Variants in AKAP10 observed in about 807,000 individuals in gnomAD.
The protein encoded by AKAP10 is A-kinase anchoring protein 10.
A neutral mutation model predicts 80.8 loss-of-function variants in AKAP10; 24 were observed. The ratio of observed to expected loss-of-function variants is 0.30; its 90% CI spans 0.22 to 0.42. The LOEUF (loss-of-function observed/expected upper bound fraction) is 0.42, where lower values mean the gene tolerates loss of function less well. AKAP10 is among the 10% of genes least tolerant of loss of function. AKAP10 has a pLI of 1.00. For synonymous variants in AKAP10, 291 were observed against 277.7 expected (o/e 1.05, Z -0.48); for missense variants, 661 against 794.9 (o/e 0.83, Z 2.03).
intron 12 of AKAP10, among the ~76,000 whole-genome samples, chr17:19,914,979 A>G (rs2042729729): frequency 6.6e-6 from 1 of 152,254 alleles, no homozygotes; most frequent in East Asian, 1.9e-4. Context: ...TCCAAATGCA[A>G]CAGAAAGCCA....
At chr17:19,969,095 G>T (rs1236147375) in intron 1 of AKAP10, among the ~76,000 whole-genome samples, 1 of 152,176 alleles carries the variant, frequency 6.6e-6, no homozygotes, top group Non-Finnish European at 1.5e-5. Context: ...TGTAATTCCA[G>T]CACTTTGGGA....
In AKAP10 at chr17:19,932,401, C is replaced by T. The variant is rs8070599; in HGVS notation, c.1468-423G>A. The stretch of plus-strand genomic sequence containing the variant: ...CTGGGAGATGGAGGTTGCAGTGAGC[C>T]GAGATTGCACCACTGCACTCCAGCC... On this transcript the variant is annotated intron_variant, in intron 9 of 14. Coordinates refer to ENST00000225737, the MANE Select transcript of AKAP10 (RefSeq NM_007202.4). Among the ~76,000 whole-genome samples the T allele has an allele frequency of 7.2e-3, 1,059 of 146,624 alleles. 13 individuals carry two copies. The highest frequency in any genetic ancestry group is 0.024 in the African/African-American group (954 of 39,550).
chr17:19,925,741 T>C (rs981437722), intron 10 of AKAP10, among the ~76,000 whole-genome samples: 1 of 151,518 alleles, frequency 6.6e-6, no homozygotes, highest in Non-Finnish European at 1.5e-5. Flanking sequence ...GGCTCTCATG[T>C]GTTGAGAAGG....
intron 7 of AKAP10, among the ~76,000 whole-genome samples, chr17:19,940,665 A>G (rs567430344): frequency 6.6e-6 from 1 of 152,372 alleles, no homozygotes; most frequent in Non-Finnish European, 1.5e-5. Context: ...CAGTAGTTTA[A>G]TTAGGTTTCT....
At chr17:19,922,121 G>A (rs568240001) in intron 11 of AKAP10, among the ~76,000 whole-genome samples, 2 of 152,068 alleles carry the variant, frequency 1.3e-5, no homozygotes, top group East Asian at 3.9e-4. Flanking sequence ...CCTTTTATAA[G>A]AATAATGCCA....
intron 3 of AKAP10, 117 bp from the exon 4 acceptor site, chr17:19,958,688 C>T (rs888615450): frequency 7.4e-6 from 6 of 810,072 alleles, no homozygotes; most frequent in South Asian, 2.1e-5. Context: ...AGTTTACTTC[C>T]TAGCAACTAA....
At chr17:19,926,493 A>G (rs1353292783) in intron 10 of AKAP10, among the ~76,000 whole-genome samples, 1 of 152,180 alleles carries the variant, frequency 6.6e-6, no homozygotes, top group African/African-American at 2.4e-5. Context: ...ATCTCTATCC[A>G]TAAATGACAT....
At chr17:19,976,894 A>G (rs537087961) in intron 1 of AKAP10, among the ~76,000 whole-genome samples, 44 of 152,312 alleles carry the variant, frequency 2.9e-4, no homozygotes, top group Non-Finnish European at 5.4e-4. Flanking sequence ...ATACTTGCTC[A>G]CTTCGGATAT....
chr17:19,946,237 T>TATTTTATATATATA (rs1491288818), intron 5 of AKAP10, among the ~76,000 whole-genome samples: 1 of 15,184 alleles, frequency 6.6e-5, no homozygotes, highest in Non-Finnish European at 1.0e-4. Context: ...TATATATATA[T>TATTTTATATATATA]TATATATATA....
intron 5 of AKAP10, among the ~76,000 whole-genome samples, chr17:19,943,059 T>C (rs2043066148): frequency 6.6e-6 from 1 of 152,102 alleles, no homozygotes; most frequent in Non-Finnish European, 1.5e-5. Flanking sequence ...GCCTGGCCAA[T>C]TTTTAAATTT....
At chr17:19,936,197 G>T in intron 9 of AKAP10, 89 bp downstream of exon 9, 1 of 1,421,042 alleles carries the variant, frequency 7.0e-7, no homozygotes, top group Non-Finnish European at 9.5e-7. Flanking sequence ...TTTCCACTGT[G>T]CTATTCTGCT....
chr17:19,973,233 G>A (rs2043522282), intron 1 of AKAP10, among the ~76,000 whole-genome samples: 1 of 152,172 alleles, frequency 6.6e-6, no homozygotes, highest in Admixed American at 6.5e-5. Flanking sequence ...ATCTGCCTTA[G>A]CCTCCCAAAG....
intron 11 of AKAP10, among the ~76,000 whole-genome samples, chr17:19,922,760 C>T (rs1359071566): frequency 6.6e-6 from 1 of 151,884 alleles, no homozygotes; most frequent in Non-Finnish European, 1.5e-5. Context: ...ATTAGCCGGG[C>T]GTGGTGGCAC....
intron 2 of AKAP10, among the ~76,000 whole-genome samples, chr17:19,964,500 C>G (rs1473473107): frequency 6.6e-6 from 1 of 152,164 alleles, no homozygotes; most frequent in East Asian, 1.9e-4. Context: ...ATTCTTTCTG[C>G]TAGAAAGCAT....
In AKAP10 at chr17:19,970,973, T is replaced by C. The variant is rs1338022303; in HGVS notation, c.89-2512A>G. ...CTAGAGTGCAGTGGCCTGATAACAC[T>C]CGAACTCCTGGGCTCAAGTGATCCT... On this transcript the variant is annotated intron_variant, in intron 1 of 14. Coordinates refer to ENST00000225737, the MANE Select transcript of AKAP10 (RefSeq NM_007202.4). Among the ~76,000 whole-genome samples the C allele has an allele frequency of 2.0e-5, 3 of 152,018 alleles. No homozygotes were observed. In the East Asian group the frequency reaches 5.9e-4, roughly 30 times the overall value.
chr17:19,927,706 T>C (rs574073862), intron 10 of AKAP10, among the ~76,000 whole-genome samples: 2 of 148,872 alleles, frequency 1.3e-5, no homozygotes, highest in East Asian at 2.0e-4. Flanking sequence ...AGGTCAGGAG[T>C]TGAGACCAGC....
intron 1 of AKAP10, 35 bp downstream of exon 1, chr17:19,977,557 C>T: frequency 8.1e-7 from 1 of 1,229,974 alleles, no homozygotes; most frequent in Non-Finnish European, 1.0e-6. Flanking sequence ...CCCCTGAGGC[C>T]CGGCCTGACT....
Position 19,929,061 on chromosome 17 carries a change from C to A in AKAP10, c.1641+2744G>T, listed in dbSNP as rs74255375. ...TGCCAAACATGGATAACATGATGCTCTTTTGAACACATGATGCTAAGTGAA... is the reference window on the plus strand; with the variant it reads ...TGCCAAACATGGATAACATGATGCTATTTTGAACACATGATGCTAAGTGAA... On this transcript the variant is annotated intron_variant, in intron 10 of 14. Transcript: ENST00000225737. Among the ~76,000 whole-genome samples the A allele has an allele frequency of 5.3e-3, 809 of 152,224 alleles. 16 individuals are homozygous for A. In the East Asian group the frequency reaches 0.074, roughly 14 times the overall value.
rs540029607 is a variant in AKAP10, at chr17:19,933,413, CAA to C, written c.1468-1437_1468-1436del. ...CACTACCATCTAGCACAGAAATACT[CAA>C]AGTTTTTGTTGAATGAATCATTCAT... On this transcript the variant is annotated intron_variant, in intron 9 of 14. Coordinates refer to ENST00000225737, the MANE Select transcript of AKAP10 (RefSeq NM_007202.4). Among the ~76,000 whole-genome samples the C allele has an allele frequency of 1.7e-3, 260 of 152,292 alleles. 3 individuals are homozygous for C. The highest frequency in any genetic ancestry group is 9.1e-3 in the South Asian group (44 of 4,824).
Sources: allele counts gnomAD v4.1 joint callset (sites outside exome capture counted in the v4.1 genomes callset), GRCh38; gene constraint gnomAD v4.1.1; transcripts MANE v1.5; gene names NCBI Gene and HGNC (gene_info 2026-07-23, HGNC 2026-07-21).